The following VAPB variants were observed in gnomAD, a reference collection of about 807,000 sequenced individuals.
VAPB encodes the protein vesicle-associated membrane protein-associated protein B/C.
In VAPB, 7 loss-of-function variants were observed where a neutral mutation model predicts 25.6. That is an observed-to-expected ratio of 0.27 (90% CI 0.16 to 0.51). VAPB has a LOEUF of 0.51. Ranked by LOEUF, VAPB falls within the 20% of genes least tolerant of loss-of-function variation. The pLI is 0.97. For synonymous variants in VAPB, 112 were observed against 109.2 expected (o/e 1.03, Z -0.16); for missense variants, 266 against 301.3 (o/e 0.88, Z 0.87).
chr20:58,412,948 A>AT (rs1407281716), intron 1 of VAPB, among the ~76,000 whole-genome samples: 4 of 152,068 alleles, frequency 2.6e-5, no homozygotes, highest in Non-Finnish European at 2.9e-5. Context: ...TTATTCAGCC[A>AT]TTTTTTTATG....
chr20:58,444,027 C>G, intron 5 of VAPB, 50 bp from the exon 6 acceptor site: 1 of 1,613,812 alleles, frequency 6.2e-7, no homozygotes, highest in Non-Finnish European at 8.5e-7. Context: ...CAGTTGACTC[C>G]CCTTTCTGGT....
chr20:58,424,841 T>C (rs1988751870), intron 2 of VAPB, among the ~76,000 whole-genome samples: 1 of 151,942 alleles, frequency 6.6e-6, no homozygotes, highest in Non-Finnish European at 1.5e-5. Context: ...AACTGGAAAA[T>C]CCTGTAGAGA....
intron 2 of VAPB, chr20:58,431,369 G>A (rs1450932307): frequency 6.6e-6 from 1 of 152,116 alleles, no homozygotes; most frequent in Non-Finnish European, 1.5e-5. Context: ...AGCTCTGGTT[G>A]GCAGATGAAA....
At chr20:58,443,064 T>C (rs1989197281) in intron 5 of VAPB, among the ~76,000 whole-genome samples, 1 of 151,968 alleles carries the variant, frequency 6.6e-6, no homozygotes, top group African/African-American at 2.4e-5. Flanking sequence ...TAGATCTACA[T>C]AGTAACTTGC....
In VAPB at chr20:58,402,523, G is replaced by A. The variant is rs536961293; in HGVS notation, c.58+13006G>A. On this transcript the variant is annotated intron_variant, in intron 1 of 5. Coordinates refer to ENST00000475243, the MANE Select transcript of VAPB (RefSeq NM_004738.5). ...CATGTTGTCATTGGCAACGTGATACGTGACTCCCTTTCGCTGTTAGTCAGC... is the reference window on the plus strand; with the variant it reads ...CATGTTGTCATTGGCAACGTGATACATGACTCCCTTTCGCTGTTAGTCAGC... 3.3e-5 allele frequency among the ~76,000 whole-genome samples: 5 copies of A among 150,472 alleles called. No individual in the cohort carries two copies. In the South Asian group the frequency reaches 6.3e-4, roughly 19 times the overall value.
chr20:58,434,457 CCTTGCT>C lies in VAPB; in HGVS notation c.212-144_212-139del. The C allele has an allele frequency of 1.1e-5, 7 of 663,094 alleles. No homozygotes were observed. The South Asian group carries it at 1.1e-4, about 11-fold the overall frequency. 41.1% of individuals were successfully genotyped at this position (663,094 alleles called of 1,614,324 possible). On this transcript the variant is annotated intron_variant, in intron 2 of 5. Coordinates refer to ENST00000475243, the MANE Select transcript of VAPB (RefSeq NM_004738.5). ...CCTGCAAAATGGAGATGTTGGTCAT[CCTTGCT>C]TACTTCACCAGGGGCGTCCATCCTA... is the stretch of plus-strand genomic sequence containing the variant.
At chr20:58,442,174 C>T (rs769928906) in intron 5 of VAPB, among the ~76,000 whole-genome samples, 4 of 152,150 alleles carry the variant, frequency 2.6e-5, no homozygotes, top group African/African-American at 9.7e-5. Context: ...GAGTTTTCTT[C>T]TCTTTTACTC....
rs116584680 is a variant in VAPB, at chr20:58,445,876, G to A, written c.*1641G>A. ...GAACCATGCCATTGAGACTAGTAAC[G>A]GGCGTTCTGGGCACAGTCCCACTGT... On this transcript the variant is annotated 3_prime_UTR_variant, in exon 6 of 6. Coordinates refer to ENST00000475243, the MANE Select transcript of VAPB (RefSeq NM_004738.5). The A allele has an allele frequency of 2.1e-3, 942 of 453,962 alleles. 11 individuals are homozygous for A. The highest frequency in any genetic ancestry group is 0.017 in the African/African-American group (848 of 50,072). The allele number at this position is 453,962 out of a possible 1,614,324, so 28.1% of individuals were successfully genotyped here.
chr20:58,436,727 A>T (rs1034541774), intron 3 of VAPB, among the ~76,000 whole-genome samples: 33 of 152,082 alleles, frequency 2.2e-4, no homozygotes, highest in Non-Finnish European at 4.7e-4. Context: ...CTAGATTTAC[A>T]TTTGTTAACA....
Position 58,444,069 on chromosome 20 carries a change from T to A in VAPB, c.574-8T>A. The A allele has an allele frequency of 6.2e-7, 1 of 1,614,142 alleles. No individual in the cohort carries two copies. Among genetic ancestry groups the A allele is most frequent in the South Asian group, 1.1e-5 (1 of 91,068 alleles). On this transcript the variant is annotated splice_polypyrimidine_tract_variant and splice_region_variant and intron_variant, in intron 5 of 5. Transcript: ENST00000475243. Reference sequence around the variant, plus strand: ...GCTTGTCTTTGAAATGTGCGTTTGCTCCCGTAGGAAGAAGATGGACTGCGG... The same window carrying A: ...GCTTGTCTTTGAAATGTGCGTTTGCACCCGTAGGAAGAAGATGGACTGCGG...
At chr20:58,434,910 A>G (rs969275100) in intron 3 of VAPB, among the ~76,000 whole-genome samples, 2 of 150,616 alleles carry the variant, frequency 1.3e-5, no homozygotes, top group Admixed American at 6.7e-5. Context: ...GTGACTTTCT[A>G]GAAGGCTGTT....
intron 1 of VAPB, among the ~76,000 whole-genome samples, chr20:58,400,859 T>C (rs984925525): frequency 6.6e-5 from 10 of 152,242 alleles, no homozygotes; most frequent in East Asian, 3.8e-4. Context: ...TGTTGGCATG[T>C]AAATATATCC....
chr20:58,389,647 GCCGGGCCGGGC>G, intron 1 of VAPB, 130 bp downstream of exon 1: 1 of 974,336 alleles, frequency 1.0e-6, no homozygotes, highest in Non-Finnish European at 1.4e-6. Flanking sequence ...GGGCGGCGAG[GCCGGGCCGGGC>G]CTTGGCGCTC....
chr20:58,443,572 G>A (rs1989209440), intron 5 of VAPB, among the ~76,000 whole-genome samples: 1 of 151,786 alleles, frequency 6.6e-6, no homozygotes, highest in South Asian at 2.1e-4. Flanking sequence ...ACAAGCATGA[G>A]CCACCGTGCC....
Position 58,450,954 on chromosome 20 carries a change from CAG to C in VAPB, c.*6720_*6721del, listed in dbSNP as rs1254223933. The stretch of plus-strand genomic sequence containing the variant: ...CCAGAGAGAAGGAGATGTATTTCTG[CAG>C]GGTCCAGACCAAAAGAGCCATTTAC... On this transcript the variant is annotated 3_prime_UTR_variant, in exon 6 of 6. Transcript: ENST00000475243. 2.2e-6 allele frequency: 1 copy of C among 454,010 alleles called. No individual in the cohort carries two copies. Among genetic ancestry groups the C allele is most frequent in the Non-Finnish European group, 4.4e-6 (1 of 226,806 alleles). 28.1% of individuals were successfully genotyped at this position (454,010 alleles called of 1,614,324 possible). A position where few individuals can be genotyped will look rare whatever the true frequency, so the allele number is the denominator to read the frequency against.
rs6026272 is a variant in VAPB at position 58,435,024 on chromosome 20, C to G, written c.315+319C>G. 0.33 allele frequency among the ~76,000 whole-genome samples: 50,229 copies of G among 151,824 alleles called. 8,619 individuals are homozygous for G. Among genetic ancestry groups the G allele is most frequent in the Middle Eastern group, 0.34 (99 of 292 alleles). On this transcript the variant is annotated intron_variant, in intron 3 of 5. Coordinates refer to ENST00000475243, the MANE Select transcript of VAPB (RefSeq NM_004738.5). ...GCCTTCTTTCGCCTCTCCTTTCTGCCCCGACAGAAAAGGATACTTTTCATT... is the reference window on the plus strand; with the variant it reads ...GCCTTCTTTCGCCTCTCCTTTCTGCGCCGACAGAAAAGGATACTTTTCATT...
In VAPB at chr20:58,445,372, G is replaced by C; in HGVS notation, c.*1137G>C. On this transcript the variant is annotated 3_prime_UTR_variant, in exon 6 of 6. Coordinates refer to ENST00000475243, the MANE Select transcript of VAPB (RefSeq NM_004738.5). ...GATCGGGCTGCAGAGGGTTAGAAGCGAGGGCACCAGCAGTTGTGGGTGGGG... is the reference window on the plus strand; with the variant it reads ...GATCGGGCTGCAGAGGGTTAGAAGCCAGGGCACCAGCAGTTGTGGGTGGGG... 1 of 454,596 alleles carries C rather than the reference G, an allele frequency of 2.2e-6. No homozygotes were observed. The highest frequency in any genetic ancestry group is 1.6e-5 in the South Asian group (1 of 64,466). The allele number at this position is 454,596 out of a possible 1,614,324, so 28.2% of individuals were successfully genotyped here.
chr20:58,437,563 A>T (rs1600815404), intron 3 of VAPB, among the ~76,000 whole-genome samples: 1 of 152,370 alleles, frequency 6.6e-6, no homozygotes, highest in East Asian at 1.9e-4. Context: ...CTTTGAGACC[A>T]TGTGAATATC....
chr20:58,418,171 C>T, intron 1 of VAPB, 40 bp from the exon 2 acceptor site: 1 of 1,613,684 alleles, frequency 6.2e-7, no homozygotes, highest in Non-Finnish European at 8.5e-7. Flanking sequence ...TCTAAACTTT[C>T]CTCATGAGAC....
Sources: gnomAD v4.1 joint callset for allele counts (sites outside exome capture counted in the v4.1 genomes callset) on GRCh38, gnomAD v4.1.1 for gene constraint, MANE v1.5 for transcripts, NCBI Gene and HGNC (gene_info 2026-07-23, HGNC 2026-07-21) for gene names.